Variants in SLC7A7 observed in about 807,000 individuals in gnomAD.
The protein encoded by SLC7A7 is solute carrier family 7 member 7.
In SLC7A7, 39 loss-of-function variants were observed where a neutral mutation model predicts 47.9. The ratio of observed to expected loss-of-function variants is 0.81; its 90% confidence interval spans 0.63 to 1.06. The LOEUF is 1.06. Ranked by LOEUF, SLC7A7 falls within the 50% of genes least tolerant of loss-of-function variation. The pLI is 0.00. For missense variants in SLC7A7, 588 were observed against 632.0 expected (o/e 0.93, Z 0.75); for synonymous variants, 234 against 242.8 (o/e 0.96, Z 0.34).
At chr14:22,801,954 C>G (rs978058068) in intron 2 of SLC7A7, among the ~76,000 whole-genome samples, 1 of 152,208 alleles carries the variant, frequency 6.6e-6, no homozygotes, top group Non-Finnish European at 1.5e-5. Context: ...ATCTCCAACC[C>G]TATCTCTTTC....
intron 2 of SLC7A7, among the ~76,000 whole-genome samples, chr14:22,786,586 C>G (rs577124243): frequency 6.6e-6 from 1 of 152,250 alleles, no homozygotes; most frequent in African/African-American, 2.4e-5. Context: ...CAACTCCTTT[C>G]TTTCCCACCT....
chr14:22,785,927 CAGG>C (rs1442499547), intron 2 of SLC7A7, among the ~76,000 whole-genome samples: 5 of 149,890 alleles, frequency 3.3e-5, no homozygotes, highest in African/African-American at 1.2e-4. Context: ...GAGGCTGAGG[CAGG>C]AGAATGACGT....
chr14:22,782,429 CTTAT>C (rs2038735531), intron 2 of SLC7A7, among the ~76,000 whole-genome samples: 1 of 148,266 alleles, frequency 6.7e-6, no homozygotes. Flanking sequence ...TTTTTATTTA[CTTAT>C]TTATTGACTT....
chr14:22,776,017 T>G, intron 5 of SLC7A7, 81 bp from the exon 6 acceptor site: 1 of 1,413,930 alleles, frequency 7.1e-7, no homozygotes, highest in Non-Finnish European at 1.0e-6. Context: ...CAGATTCCCC[T>G]TATTAGGTAT....
chr14:22,775,729 G>C (rs45467196), intron 6 of SLC7A7, 104 bp downstream of exon 6: 2 of 957,528 alleles, frequency 2.1e-6, no homozygotes, highest in African/African-American at 1.6e-5. Flanking sequence ...AAGAGGTTGT[G>C]GTATCGGTTG....
intron 2 of SLC7A7, among the ~76,000 whole-genome samples, chr14:22,802,599 G>T (rs1382465431): frequency 2.6e-5 from 4 of 151,960 alleles, no homozygotes; most frequent in Admixed American, 1.3e-4. Context: ...TGGTTGTATT[G>T]ATTATACCTT....
At chr14:22,789,187 G>C (rs141445539) in intron 2 of SLC7A7, among the ~76,000 whole-genome samples, 518 of 152,296 alleles carry the variant, frequency 3.4e-3, no homozygotes, top group Admixed American at 6.0e-3. Flanking sequence ...TATCACTTCA[G>C]AGTGCTGCTC....
At chr14:22,785,485 T>C (rs1215973525) in intron 2 of SLC7A7, among the ~76,000 whole-genome samples, 1 of 151,920 alleles carries the variant, frequency 6.6e-6, no homozygotes. Context: ...CCCAGCACTT[T>C]GGGAGGCCAA....
upstream of SLC7A7, among the ~76,000 whole-genome samples, chr14:22,819,009 C>T (rs1342632120): frequency 6.6e-6 from 1 of 152,164 alleles, no homozygotes; most frequent in Non-Finnish European, 1.5e-5. Context: ...ACACACTCAT[C>T]CTACAGCTTG....
At chr14:22,796,191 C>G (rs757864123) in intron 2 of SLC7A7, among the ~76,000 whole-genome samples, 1 of 152,024 alleles carries the variant, frequency 6.6e-6, no homozygotes, top group Non-Finnish European at 1.5e-5. Context: ...GGGCAAAAGT[C>G]CGTTGGGGGG....
At chr14:22,786,611 C>G (rs751148487) in intron 2 of SLC7A7, among the ~76,000 whole-genome samples, 1 of 152,222 alleles carries the variant, frequency 6.6e-6, no homozygotes, top group Non-Finnish European at 1.5e-5. Context: ...GTGATGAGAT[C>G]TTTCCTCCCC....
intron 2 of SLC7A7, 193 bp from the exon 3 acceptor site, chr14:22,780,244 A>G (rs991673498): frequency 1.5e-5 from 9 of 590,928 alleles, no homozygotes; most frequent in Admixed American, 8.8e-5. Flanking sequence ...AGGCCTCTAT[A>G]CTCCCCACCC....
At position 22,798,311 on chromosome 14, in the gene SLC7A7, G is replaced by C. The variant is rs554485075; in HGVS notation, c.499+14589C>G. ...AAACTCTGTCAAAAAAAAAGAAGAA[G>C]AAGAAGGAGAAGGAGGAAAAGGAGA... On this transcript the variant is annotated intron_variant, in intron 2 of 9. Coordinates refer to ENST00000674313, the MANE Select transcript of SLC7A7 (RefSeq NM_003982.4). Among the ~76,000 whole-genome samples, 13 of 151,974 alleles carry C rather than the reference G, an allele frequency of 8.6e-5. 1 individual carries two copies. In the East Asian group the frequency reaches 2.5e-3, roughly 29 times the overall value.
At position 22,773,940 on chromosome 14, in the gene SLC7A7, CCTT is replaced by C. The variant is rs1446339682; in HGVS notation, c.1419_1421del (p.Arg474del). 1 of 1,614,110 alleles carries C rather than the reference CCTT, an allele frequency of 6.2e-7. No individual in the cohort carries two copies. Among genetic ancestry groups the C allele is most frequent in the South Asian group, 1.1e-5 (1 of 91,082 alleles). ...TAAGGATGCACGGCTTACCCACGAT[CCTT>C]CGGAGGTAAAGCGGTCGCTTATGTT... On this transcript the variant is annotated inframe_deletion, in exon 9 of 10. Coordinates refer to ENST00000674313, the MANE Select transcript of SLC7A7 (RefSeq NM_003982.4).
chr14:22,794,157 C>G (rs7156633), intron 2 of SLC7A7, among the ~76,000 whole-genome samples: 145,369 of 152,292 alleles, frequency 0.95, 69,741 homozygotes, highest in East Asian at 1. Context: ...TAATAAAACT[C>G]CGGTCTCCCG....
In SLC7A7 at chr14:22,773,514, G is replaced by C. The variant is rs1180920211; in HGVS notation, c.*96C>G. 9.8e-7 allele frequency: 1 copy of C among 1,021,890 alleles called. No individual in the cohort carries two copies. The highest frequency in any genetic ancestry group is 2.4e-5 in the East Asian group (1 of 41,310). The allele number at this position is 1,021,890 out of a possible 1,614,324, so 63.3% of individuals were successfully genotyped here. On this transcript the variant is annotated 3_prime_UTR_variant, in exon 10 of 10. Transcript: ENST00000674313. The stretch of plus-strand genomic sequence containing the variant: ...CTGCCTAGGCCAGGCTTCTGGACAG[G>C]TGCCTCCAAAGAAGTGAGCTTTCCT...
intron 2 of SLC7A7, among the ~76,000 whole-genome samples, chr14:22,800,796 G>A (rs1009946086): frequency 1.3e-5 from 2 of 151,998 alleles, no homozygotes; most frequent in South Asian, 4.2e-4. Flanking sequence ...AAAATTAGCC[G>A]GGCGTGGTGG....
chr14:22,809,881 T>C (rs554326357), intron 2 of SLC7A7, among the ~76,000 whole-genome samples: 22 of 151,676 alleles, frequency 1.5e-4, no homozygotes, highest in African/African-American at 5.1e-4. Flanking sequence ...CTTCTAAAAA[T>C]ACAAAAAATT....
chr14:22,808,477 G>A (rs1566461402), intron 2 of SLC7A7, among the ~76,000 whole-genome samples: 2 of 152,150 alleles, frequency 1.3e-5, no homozygotes, highest in African/African-American at 4.8e-5. Context: ...TGTCTTCATA[G>A]GTCCCAGCAT....
Sources: gnomAD v4.1 joint callset for allele counts (sites outside exome capture counted in the v4.1 genomes callset) on GRCh38, gnomAD v4.1.1 for gene constraint, MANE v1.5 for transcripts, NCBI Gene and HGNC (gene_info 2026-07-23, HGNC 2026-07-21) for gene names.